TBC1D5: variants seen among roughly 807,000 people sequenced by gnomAD.
The protein encoded by TBC1D5 is TBC1 domain family member 5.
Under a neutral mutation model 100.3 loss-of-function variants are expected in TBC1D5, and 75 were observed. The observed-to-expected ratio is 0.75, with a 90% CI of 0.62 to 0.91. TBC1D5 has a LOEUF of 0.91. TBC1D5 is among the 40% of genes least tolerant of loss of function. TBC1D5 has a pLI of 0.00. For missense variants in TBC1D5, 910 were observed against 942.4 expected (o/e 0.97, Z 0.45); for synonymous variants, 323 against 325.6 (o/e 0.99, Z 0.09).
At chr3:17,621,020 T>G (rs997719954) in intron 2 of TBC1D5, among the ~76,000 whole-genome samples, 3 of 152,228 alleles carry the variant, frequency 2.0e-5, no homozygotes, top group African/African-American at 7.2e-5. Flanking sequence ...ATCTTGAAAC[T>G]GTTTTAGATC....
At position 17,291,944 on chromosome 3, in the gene TBC1D5, C is replaced by T. The variant is rs780010244; in HGVS notation, c.1196G>A (p.Gly399Glu). 5.0e-6 allele frequency: 8 copies of T among 1,613,768 alleles called. No homozygotes were observed. In the East Asian group the frequency reaches 1.3e-4, roughly 27 times the overall value. Reference sequence around the variant, plus strand: ...CTTAAGAATCAGTGAGTGTACATCCCCGATGAATGGGTAATGCATCAGAAG... The same window carrying T: ...CTTAAGAATCAGTGAGTGTACATCCTCGATGAATGGGTAATGCATCAGAAG... Residue 399 changes from glycine to glutamate, a missense_variant, in exon 15 of 22, where the codon GGG becomes GAG. By Grantham distance (98) the Gly-to-Glu change is moderately conservative. Coordinates refer to ENST00000253692, the Ensembl canonical transcript of TBC1D5.
chr3:17,271,007 GCTTA>G (rs1384389748), intron 15 of TBC1D5, among the ~76,000 whole-genome samples: 1 of 152,098 alleles, frequency 6.6e-6, no homozygotes, highest in Non-Finnish European at 1.5e-5. Context: ...ATGCTGTTAT[GCTTA>G]CTGTGGCCTT....
chr3:17,259,692 G>A (rs1233674862), intron 15 of TBC1D5, among the ~76,000 whole-genome samples: 2 of 125,060 alleles, frequency 1.6e-5, no homozygotes, highest in African/African-American at 6.3e-5. Context: ...CCAAGGCACT[G>A]ATACACTTGC....
chr3:17,525,153 G>C (rs897938349), intron 2 of TBC1D5, among the ~76,000 whole-genome samples: 1 of 151,948 alleles, frequency 6.6e-6, no homozygotes, highest in East Asian at 1.9e-4. Flanking sequence ...TTTTGAGACA[G>C]AGTTTCACTC....
intron 1 of TBC1D5, among the ~76,000 whole-genome samples, chr3:17,721,459 A>ATGTGTGTG (rs59017875): frequency 1.3e-5 from 2 of 148,946 alleles, no homozygotes; most frequent in African/African-American, 4.9e-5. Flanking sequence ...GTGTGAGAGC[A>ATGTGTGTG]TGTGTGTGTG....
At chr3:17,733,527 G>A (rs569554195) in intron 1 of TBC1D5, among the ~76,000 whole-genome samples, 9 of 152,240 alleles carry the variant, frequency 5.9e-5, no homozygotes, top group African/African-American at 2.2e-4. Flanking sequence ...AATTATAAAG[G>A]AAGAGAGCTA....
At chr3:17,237,664 C>T (rs2075966646) in intron 17 of TBC1D5, among the ~76,000 whole-genome samples, 1 of 152,202 alleles carries the variant, frequency 6.6e-6, no homozygotes, top group Non-Finnish European at 1.5e-5. Flanking sequence ...CTTTTAGTTT[C>T]TCCCTCCCCA....
intron 3 of TBC1D5, among the ~76,000 whole-genome samples, chr3:17,476,415 T>C (rs2095438687): frequency 6.6e-6 from 1 of 152,000 alleles, no homozygotes; most frequent in African/African-American, 2.4e-5. Flanking sequence ...TCACCACTGA[T>C]CTATAATTTC....
rs374621514 is a variant in TBC1D5, at chr3:17,582,807, C to G, written c.-36+41042G>C. On this transcript the variant is annotated intron_variant, in intron 2 of 21. Transcript: ENST00000253692. ...AAGCAAAAAAAAACAAAAACAAAAA[C>G]AAAACAAAACATTAAACAAATGTGA... 2.1e-5 allele frequency among the ~76,000 whole-genome samples: 3 copies of G among 140,638 alleles called. No individual in the cohort carries two copies. In the East Asian group the frequency reaches 6.6e-4, roughly 31 times the overall value. The allele number at this position is 140,638 out of a possible 152,430, so 92.3% of individuals were successfully genotyped here.
intron 3 of TBC1D5, among the ~76,000 whole-genome samples, chr3:17,506,963 C>T (rs925055434): frequency 6.6e-5 from 10 of 152,266 alleles, no homozygotes; most frequent in Middle Eastern, 3.4e-3. Flanking sequence ...TTGCAGTGAG[C>T]CGAGATTGCG....
intron 3 of TBC1D5, among the ~76,000 whole-genome samples, chr3:17,433,517 A>T (rs930419387): frequency 1.3e-5 from 2 of 151,968 alleles, no homozygotes; most frequent in Admixed American, 1.3e-4. Flanking sequence ...CACTATCACA[A>T]GAGCAGCATG....
At chr3:17,631,945 T>A (rs1348385275) in intron 1 of TBC1D5, among the ~76,000 whole-genome samples, 1 of 152,216 alleles carries the variant, frequency 6.6e-6, no homozygotes, top group Non-Finnish European at 1.5e-5. Flanking sequence ...CTGCAGCCCA[T>A]GAGTCAAGAA....
At chr3:17,444,960 G>T (rs1225756419) in intron 3 of TBC1D5, among the ~76,000 whole-genome samples, 1 of 152,102 alleles carries the variant, frequency 6.6e-6, no homozygotes, top group African/African-American at 2.4e-5. Flanking sequence ...ATACTATACA[G>T]AACTGTCCAT....
intron 16 of TBC1D5, among the ~76,000 whole-genome samples, chr3:17,242,136 T>A (rs1313686397): frequency 6.6e-6 from 1 of 152,198 alleles, no homozygotes; most frequent in Non-Finnish European, 1.5e-5. Flanking sequence ...CGCACTCTAC[T>A]GAAAGAGCTT....
At chr3:17,232,481 A>G (rs1435160560) in intron 17 of TBC1D5, among the ~76,000 whole-genome samples, 2 of 152,146 alleles carry the variant, frequency 1.3e-5, no homozygotes, top group Admixed American at 1.3e-4. Flanking sequence ...TCATGTAGAC[A>G]TTATCTGCCT....
rs140988557 is a variant in TBC1D5 at position 17,303,833 on chromosome 3, CTTTTTTTTTTTTTTTT to C, written c.1138+4143_1138+4158del. On this transcript the variant is annotated intron_variant, in intron 14 of 21. Transcript: ENST00000253692. ...TGGAAGCCTGGATCACAATCTACCTCTTTTTTTTTTTTTTTTTTTTTTTTTTTTGAGGCCAGGTACC... is the reference window on the plus strand; with the variant it reads ...TGGAAGCCTGGATCACAATCTACCTCTTTTTTTTTTTTGAGGCCAGGTACC... Among the ~76,000 whole-genome samples, 348 of 84,524 alleles carry C rather than the reference CTTTTTTTTTTTTTTTT, an allele frequency of 4.1e-3. 7 individuals carry two copies. Among genetic ancestry groups the C allele is most frequent in the Admixed American group, 0.013 (80 of 6,276 alleles). 55.5% of individuals were successfully genotyped at this position (84,524 alleles called of 152,430 possible).
At chr3:17,219,871 A>AT (rs907860001) in intron 17 of TBC1D5, among the ~76,000 whole-genome samples, 3 of 152,016 alleles carry the variant, frequency 2.0e-5, no homozygotes, top group South Asian at 2.1e-4. Flanking sequence ...TATTTTGATC[A>AT]TTTTTTGTCA....
chr3:17,426,418 C>T (rs938666111), intron 4 of TBC1D5, among the ~76,000 whole-genome samples: 3 of 152,066 alleles, frequency 2.0e-5, no homozygotes, highest in Admixed American at 2.0e-4. Context: ...ATATTCATTT[C>T]ACACCTTAAA....
intron 13 of TBC1D5, among the ~76,000 whole-genome samples, chr3:17,353,350 C>A (rs941947974): frequency 6.6e-6 from 1 of 151,894 alleles, no homozygotes; most frequent in Non-Finnish European, 1.5e-5. Flanking sequence ...GTATAAGGTC[C>A]ATAAGTCCAT....
Sources: allele counts gnomAD v4.1 joint callset (sites outside exome capture counted in the v4.1 genomes callset), GRCh38; gene constraint gnomAD v4.1.1; transcripts MANE v1.5; gene names NCBI Gene and HGNC (gene_info 2026-07-23, HGNC 2026-07-21).